Variants in MARCHF8 observed in about 807,000 individuals in gnomAD.
MARCHF8 encodes membrane associated ring-CH-type finger 8, also known as E3 ubiquitin-protein ligase MARCHF8.
Under a neutral mutation model 51.6 loss-of-function variants are expected in MARCHF8, and 40 were observed. The observed-to-expected ratio is 0.77, with a 90% CI of 0.60 to 1.01. MARCHF8 has a LOEUF of 1.01. MARCHF8 is among the 50% of genes least tolerant of loss of function. The pLI is 0.00. For synonymous variants in MARCHF8, 263 were observed against 280.3 expected (o/e 0.94, Z 0.62); for missense variants, 685 against 708.6 (o/e 0.97, Z 0.38).
intron 1 of MARCHF8, among the ~76,000 whole-genome samples, chr10:45,542,619 C>T (rs1263149803): frequency 6.6e-6 from 1 of 151,992 alleles, no homozygotes; most frequent in East Asian, 1.9e-4. Context: ...ATTTCTGATC[C>T]AAGAGTTTTG....
chr10:45,579,220 G>A (rs1301479624), intron 1 of MARCHF8, among the ~76,000 whole-genome samples: 2 of 152,142 alleles, frequency 1.3e-5, no homozygotes, highest in East Asian at 3.8e-4. Context: ...AAAAAGAAAG[G>A]GGGAAAGAGT....
intron 1 of MARCHF8, among the ~76,000 whole-genome samples, chr10:45,567,957 T>C (rs1425182851): frequency 6.6e-6 from 1 of 152,218 alleles, no homozygotes; most frequent in Non-Finnish European, 1.5e-5. Context: ...CTTCAATTTC[T>C]TGCATCAGTG....
In MARCHF8 at chr10:45,456,872, C is replaced by G. The variant is rs548024625; in HGVS notation, c.*1367G>C. On this transcript the variant is annotated 3_prime_UTR_variant, in exon 8 of 8. Coordinates refer to ENST00000453424, the MANE Select transcript of MARCHF8 (RefSeq NM_001282866.2). ...TTATGAAAATGGTACAGGTGGTAAT[C>G]CCTGATGACAGAATGCACTGAGAGT... is the stretch of plus-strand genomic sequence containing the variant. 6.6e-6 allele frequency: 1 copy of G among 152,366 alleles called. No individual in the cohort carries two copies. The highest frequency in any genetic ancestry group is 2.1e-4 in the South Asian group (1 of 4,828). The allele number at this position is 152,366 out of a possible 1,614,324, so 9.4% of individuals were successfully genotyped here. A position where few individuals can be genotyped will look rare whatever the true frequency, so the allele number is the denominator to read the frequency against.
chr10:45,461,324 G>A lies in MARCHF8; in HGVS notation c.1176C>T (p.Cys392=). The A allele has an allele frequency of 6.2e-7, 1 of 1,607,850 alleles. No homozygotes were observed. The highest frequency in any genetic ancestry group is 1.1e-5 in the South Asian group (1 of 90,150). The change falls in exon 6 of 8, where the codon TGC becomes TGT. Residue 392 remains cysteine (C), a synonymous_variant. Transcript: ENST00000453424. ...CGGAGCTCTTGATCCACTGCTGCAGGCAGGCCTGGTGCACGAAGTGGAGGC... is the reference window on the plus strand; with the variant it reads ...CGGAGCTCTTGATCCACTGCTGCAGACAGGCCTGGTGCACGAAGTGGAGGC... ...TGSLHFVHQA[C]LQQWIKSSDT...
At chr10:45,459,324 G>T in intron 6 of MARCHF8, 57 bp from the exon 7 acceptor site, 1 of 1,577,462 alleles carries the variant, frequency 6.3e-7, no homozygotes. Flanking sequence ...CTCCGGTGGG[G>T]TGAGAGCATT....
chr10:45,481,624 G>A (rs993359467), intron 3 of MARCHF8, among the ~76,000 whole-genome samples: 5 of 152,182 alleles, frequency 3.3e-5, no homozygotes, highest in Non-Finnish European at 7.3e-5. Flanking sequence ...TCCCTTGTCT[G>A]CTGCCATGTA....
chr10:45,549,662 G>C (rs1013909328), intron 1 of MARCHF8, among the ~76,000 whole-genome samples: 2 of 152,254 alleles, frequency 1.3e-5, no homozygotes, highest in East Asian at 3.8e-4. Context: ...GTGTTGACAG[G>C]TGGGACTTGT....
intron 1 of MARCHF8, among the ~76,000 whole-genome samples, chr10:45,569,577 G>A (rs555461402): frequency 2.0e-5 from 3 of 152,204 alleles, no homozygotes; most frequent in African/African-American, 7.2e-5. Flanking sequence ...TTGATGTGTG[G>A]AAAAGGACCC....
Position 45,568,268 on chromosome 10 carries a change from G to A in MARCHF8, c.-79+25967C>T, listed in dbSNP as rs535725032. On this transcript the variant is annotated intron_variant, in intron 1 of 6. Coordinates refer to the MARCHF8 transcript ENST00000319836. ...CAATCTGGATACCCTTTATATCCTT[G>A]TCTTGTCTGACTGCTCTAGCTAGGA... Among the ~76,000 whole-genome samples the A allele has an allele frequency of 1.4e-4, 22 of 152,194 alleles. No individual in the cohort carries two copies. The South Asian group carries it at 4.2e-3, about 29-fold the overall frequency.
chr10:45,465,813 T>A (rs1444458068), intron 3 of MARCHF8, among the ~76,000 whole-genome samples: 1 of 152,258 alleles, frequency 6.6e-6, no homozygotes, highest in African/African-American at 2.4e-5. Context: ...ACATTTATTT[T>A]CTAACTGAAT....
intron 2 of MARCHF8, among the ~76,000 whole-genome samples, chr10:45,527,476 T>A (rs1255070012): frequency 6.6e-6 from 1 of 152,046 alleles, no homozygotes; most frequent in African/African-American, 2.4e-5. Flanking sequence ...GAGTCTACCA[T>A]GAACATCTCT....
In MARCHF8 at chr10:45,458,378, T is replaced by C. The variant is rs764885594; in HGVS notation, c.1583A>G (p.Lys528Arg). 4.5e-5 allele frequency: 72 copies of C among 1,614,096 alleles called. 3 individuals carry two copies. The South Asian group carries it at 7.7e-4, about 17-fold the overall frequency. ...IYVQNCPETS[K>R]KNIFEKSPLT... ...TGGAGATTTTTCAAAAATATTCTTT[T>C]TGCTTGTTTCTGGACAGTTTTGAAC... Residue 528 changes from lysine (K) to arginine (R), a missense_variant, in exon 8 of 8, where the codon AAA becomes AGA. Lys to Arg is a conservative substitution (Grantham distance 26, BLOSUM62 2). Coordinates refer to ENST00000453424, the MANE Select transcript of MARCHF8 (RefSeq NM_001282866.2).
intron 1 of MARCHF8, among the ~76,000 whole-genome samples, chr10:45,550,012 T>C (rs927493981): frequency 6.6e-6 from 1 of 152,166 alleles, no homozygotes; most frequent in Non-Finnish European, 1.5e-5. Flanking sequence ...ACAAGTGAAG[T>C]CATACTGCAA....
intron 2 of MARCHF8, among the ~76,000 whole-genome samples, chr10:45,492,366 C>T (rs1018504471): frequency 4.0e-5 from 6 of 151,812 alleles, no homozygotes; most frequent in Admixed American, 6.6e-5. Flanking sequence ...GGTGCAATCT[C>T]GGCTCACTGC....
chr10:45,548,403 A>G (rs1248079786), intron 1 of MARCHF8, among the ~76,000 whole-genome samples: 1 of 152,166 alleles, frequency 6.6e-6, no homozygotes, highest in East Asian at 1.9e-4. Flanking sequence ...GACACCTTCC[A>G]TGACTCGGGA....
At chr10:45,532,946 T>C (rs1447544863) in intron 2 of MARCHF8, among the ~76,000 whole-genome samples, 164 bp downstream of exon 2, 1 of 152,220 alleles carries the variant, frequency 6.6e-6, no homozygotes, top group African/African-American at 2.4e-5. Context: ...TCTGAAAACC[T>C]AGAAATCTAC....
intron 2 of MARCHF8, among the ~76,000 whole-genome samples, chr10:45,511,763 T>A (rs1328234590): frequency 6.6e-6 from 1 of 151,954 alleles, no homozygotes; most frequent in Admixed American, 6.5e-5. Context: ...CGCTACAACC[T>A]CCACCTCCCA....
intron 1 of MARCHF8, among the ~76,000 whole-genome samples, chr10:45,564,351 A>T (rs976311607): frequency 6.6e-6 from 1 of 152,164 alleles, no homozygotes; most frequent in Non-Finnish European, 1.5e-5. Flanking sequence ...TAAAACAAAA[A>T]ATGCACTTTA....
chr10:45,542,345 C>CAAAAA (rs60776762), intron 1 of MARCHF8, among the ~76,000 whole-genome samples: 28 of 48,986 alleles, frequency 5.7e-4, no homozygotes, highest in African/African-American at 1.6e-3. Context: ...GACTTCGTCT[C>CAAAAA]AAAAAAAAAA....
Sources: gnomAD v4.1 joint callset for allele counts (sites outside exome capture counted in the v4.1 genomes callset) on GRCh38, gnomAD v4.1.1 for gene constraint, MANE v1.5 for transcripts, NCBI Gene and HGNC (gene_info 2026-07-23, HGNC 2026-07-21) for gene names.